HINT3: variants seen among roughly 807,000 people sequenced by gnomAD.
The protein encoded by HINT3 is histidine triad nucleotide binding protein 3.
A neutral mutation model predicts 19.1 loss-of-function variants in HINT3; 16 were observed. That is an observed-to-expected ratio of 0.84 (90% CI 0.57 to 1.27). The LOEUF (loss-of-function observed/expected upper bound fraction) is 1.27. Ranked by LOEUF, HINT3 falls within the 50% of genes most tolerant of loss-of-function variation. The probability of loss-of-function intolerance (pLI) is 0.00; values close to 1 mark genes in which losing one functional copy is unlikely to be tolerated. For synonymous variants in HINT3, 75 were observed against 84.8 expected, an observed-to-expected ratio of 0.88 and a Z score of 0.63; for missense variants, 197 against 225.8, an observed-to-expected ratio of 0.87 and a Z score of 0.82.
chr6:125,964,774 ACAAT>A (rs1788993580), intron 1 of HINT3, among the ~76,000 whole-genome samples: 1 of 137,974 alleles, frequency 7.2e-6, no homozygotes, highest in Non-Finnish European at 1.6e-5. Context: ...ACACACACAC[ACAAT>A]CATTTCATAT....
Position 125,974,864 on chromosome 6 carries a change from C to T in HINT3, c.407C>T (p.Pro136Leu), listed in dbSNP as rs1789158361. 2 of 1,613,644 alleles carry T rather than the reference C, an allele frequency of 1.2e-6. No homozygotes were observed. Among genetic ancestry groups the T allele is most frequent in the African/African-American group, 1.3e-5 (1 of 74,856 alleles). Residue 136 changes from proline (P) to leucine (L), a missense_variant, in exon 4 of 5, where the codon CCA (proline) becomes CTA (leucine). Transcript: ENST00000229633. ...FTNVRMGFHM[P>L]PFCSISHLHL... is the part of the protein sequence containing the mutation. ...TATTTTAGGATGGGTTTTCATATGCCACCATTCTGTTCCATTTCCCACTTG... is the reference window on the plus strand; with the variant it reads ...TATTTTAGGATGGGTTTTCATATGCTACCATTCTGTTCCATTTCCCACTTG...
At chr6:125,957,201 G>T (rs1002198781) in intron 1 of HINT3, 23 bp downstream of exon 1, 4 of 1,536,684 alleles carry the variant, frequency 2.6e-6, no homozygotes, top group Admixed American at 2.0e-5. Flanking sequence ...GCGCGGCCGG[G>T]GGTGGGTGAG....
intron 1 of HINT3, among the ~76,000 whole-genome samples, chr6:125,961,053 C>G (rs1457376139): frequency 6.6e-6 from 1 of 152,012 alleles, no homozygotes; most frequent in African/African-American, 2.4e-5. Context: ...GGGTGGGATC[C>G]AGACTTCTAT....
rs1254825766 is a variant in HINT3 at position 125,978,541 on chromosome 6, A to C, written c.*865A>C. 6.6e-6 allele frequency: 1 copy of C among 152,182 alleles called. No homozygotes were observed. Among genetic ancestry groups the C allele is most frequent in the Non-Finnish European group, 1.5e-5 (1 of 68,016 alleles). The allele number at this position is 152,182 out of a possible 1,614,324, so 9.4% of individuals were successfully genotyped here. A position where few individuals can be genotyped will look rare whatever the true frequency, so the allele number is the denominator to read the frequency against. ...TTAGATGAGAAAAATTGATAACGCA[A>C]TGTTAATACTATTGATATTTCATAG... On this transcript the variant is annotated 3_prime_UTR_variant, in exon 5 of 5. Transcript: ENST00000229633.
rs1789205280 is a variant in HINT3, at chr6:125,978,312, C to T, written c.*636C>T. On this transcript the variant is annotated 3_prime_UTR_variant, in exon 5 of 5. Transcript: ENST00000229633. ...TATATAATTTATATCAATGAATTTA[C>T]AATAACTATCAAATTGGCTATCAGA... is the stretch of plus-strand genomic sequence containing the variant. The T allele has an allele frequency of 6.6e-6, 1 of 151,978 alleles. No individual in the cohort carries two copies. The highest frequency in any genetic ancestry group is 6.6e-5 in the Admixed American group (1 of 15,266). The allele number at this position is 151,978 out of a possible 1,614,324, so 9.4% of individuals were successfully genotyped here.
chr6:125,977,680 T>C lies in HINT3; in HGVS notation c.*4T>C. 1 of 1,503,196 alleles carries C rather than the reference T, an allele frequency of 6.7e-7. No homozygotes were observed. The highest frequency in any genetic ancestry group is 2.5e-5 in the East Asian group (1 of 40,094). 93.1% of individuals were successfully genotyped at this position (1,503,196 alleles called of 1,614,324 possible). ...GATTGAAAAACTAAGAACATGAAAA[T>C]GTCAAGAGTGGAAGATTTTTCTAAT... On this transcript the variant is annotated 3_prime_UTR_variant, in exon 5 of 5. Transcript: ENST00000229633.
chr6:125,967,238 A>C (rs1430710539), intron 2 of HINT3, among the ~76,000 whole-genome samples: 2 of 152,156 alleles, frequency 1.3e-5, no homozygotes, highest in African/African-American at 4.8e-5. Context: ...AAAATACATT[A>C]ACCTTTTCCC....
At chr6:125,974,781 T>C in intron 3 of HINT3, 66 bp from the exon 4 acceptor site, 1 of 1,533,796 alleles carries the variant, frequency 6.5e-7, no homozygotes, top group Non-Finnish European at 8.9e-7. Context: ...ATTTATGTGT[T>C]TTCACCTGAA....
At chr6:125,973,400 C>CTAAG (rs1789137669) in intron 3 of HINT3, among the ~76,000 whole-genome samples, 1 of 152,082 alleles carries the variant, frequency 6.6e-6, no homozygotes, top group Non-Finnish European at 1.5e-5. Flanking sequence ...TTTAATTTGT[C>CTAAG]TAAGTAATGT....
intron 3 of HINT3, among the ~76,000 whole-genome samples, chr6:125,972,615 G>T (rs1000923357): frequency 1.3e-5 from 2 of 152,098 alleles, no homozygotes; most frequent in African/African-American, 2.4e-5. Flanking sequence ...TTTGAGATAG[G>T]ATCTCACTGT....
intron 1 of HINT3, among the ~76,000 whole-genome samples, chr6:125,960,161 A>G (rs556764011): frequency 6.6e-6 from 1 of 152,354 alleles, no homozygotes; most frequent in South Asian, 2.1e-4. Context: ...AGAGAGAATT[A>G]GGGAAACAAG....
At chr6:125,964,737 TACACACAC>T (rs3083382) in intron 1 of HINT3, among the ~76,000 whole-genome samples, 26,022 of 148,408 alleles carry the variant, frequency 0.18, 2,356 homozygotes, top group Middle Eastern at 0.23. Flanking sequence ...AATAGTTTTA[TACACACAC>T]ACACACACAC....
chr6:125,958,290 C>T (rs1049845114), intron 1 of HINT3, among the ~76,000 whole-genome samples: 1 of 151,588 alleles, frequency 6.6e-6, no homozygotes, highest in South Asian at 2.1e-4. Context: ...GGATGAAAGG[C>T]GAGGCTGGAG....
In HINT3 at chr6:125,979,317, T is replaced by G. The variant is rs1421053017; in HGVS notation, c.*1641T>G. ...TTTTATGATATAGTTCACTGAGCAC[T>G]TACATAGATTAACAGTTACAAGTTT... On this transcript the variant is annotated 3_prime_UTR_variant, in exon 5 of 5. Transcript: ENST00000229633. The G allele has an allele frequency of 6.6e-6, 1 of 152,184 alleles. No individual in the cohort carries two copies. The highest frequency in any genetic ancestry group is 1.9e-4 in the East Asian group (1 of 5,206). 9.4% of individuals were successfully genotyped at this position (152,184 alleles called of 1,614,324 possible). A position where few individuals can be genotyped will look rare whatever the true frequency, so the allele number is the denominator to read the frequency against.
chr6:125,975,936 G>A (rs938789118), intron 4 of HINT3, among the ~76,000 whole-genome samples: 8 of 152,130 alleles, frequency 5.3e-5, no homozygotes, highest in African/African-American at 1.9e-4. Context: ...GTGGAGTAGA[G>A]TTCAGCTGTT....
intron 1 of HINT3, among the ~76,000 whole-genome samples, chr6:125,963,413 C>CT: frequency 6.6e-6 from 1 of 152,192 alleles, no homozygotes; most frequent in East Asian, 1.9e-4. Flanking sequence ...GGATTTTTAG[C>CT]TTTTTTAGTT....
At chr6:125,960,969 T>C (rs1054882560) in intron 1 of HINT3, among the ~76,000 whole-genome samples, 1 of 152,130 alleles carries the variant, frequency 6.6e-6, no homozygotes. Flanking sequence ...TATTCTGCAG[T>C]TCCAATAATG....
At chr6:125,965,170 T>C (rs1053390657) in intron 1 of HINT3, among the ~76,000 whole-genome samples, 2 of 152,328 alleles carry the variant, frequency 1.3e-5, no homozygotes, top group African/African-American at 2.4e-5. Flanking sequence ...CGCTAAGTTA[T>C]GCAGTATGAG....
intron 1 of HINT3, among the ~76,000 whole-genome samples, chr6:125,958,408 AG>A (rs1451086948): frequency 6.6e-6 from 1 of 152,164 alleles, no homozygotes; most frequent in Non-Finnish European, 1.5e-5. Flanking sequence ...GTGGGTTGGG[AG>A]GAAGATGTTG....
Sources: allele counts gnomAD v4.1 joint callset (sites outside exome capture counted in the v4.1 genomes callset), GRCh38; gene constraint gnomAD v4.1.1; transcripts MANE v1.5; gene names NCBI Gene and HGNC (gene_info 2026-07-23, HGNC 2026-07-21).